GLIPR1L2: variants seen among roughly 807,000 people sequenced by gnomAD.
GLIPR1L2 encodes GLIPR1 like 2.
In GLIPR1L2, 21 loss-of-function variants were observed where a neutral mutation model predicts 28.4. That is an observed-to-expected ratio of 0.74 (90% CI 0.52 to 1.06). The LOEUF (loss-of-function observed/expected upper bound fraction) is 1.06, where lower values mean the gene tolerates loss of function less well. Among genes scored for constraint, GLIPR1L2 ranks in the 50% least tolerant of loss-of-function variants. GLIPR1L2 has a pLI of 0.00. For missense variants in GLIPR1L2, 476 were observed against 416.9 expected, an observed-to-expected ratio of 1.14 and a Z score of -1.23; for synonymous variants, 145 against 139.3, an observed-to-expected ratio of 1.04 and a Z score of -0.29.
chr12:75,405,610 C>G (rs1032889242), intron 1 of GLIPR1L2, among the ~76,000 whole-genome samples: 1 of 150,834 alleles, frequency 6.6e-6, no homozygotes, highest in African/African-American at 2.4e-5. Context: ...CATGACTGCC[C>G]TCAGCATTCT....
In GLIPR1L2 at chr12:75,391,352, T is replaced by G. The variant is rs761009817; in HGVS notation, c.234+2T>G. 1.2e-6 allele frequency: 2 copies of G among 1,613,470 alleles called. No individual in the cohort carries two copies. The highest frequency in any genetic ancestry group is 2.2e-5 in the South Asian group (2 of 91,066). On this transcript the variant is annotated splice_donor_variant, in intron 1 of 5. Coordinates refer to ENST00000550916, the MANE Select transcript of GLIPR1L2 (RefSeq NM_001270396.2). LOFTEE classifies it high-confidence loss of function. ...CGAGGGTCTAACTTGCGCTTCATGG[T>G]GAGGCCGGAAGGCGGTTTGCCGACC...
At chr12:75,418,986 G>A (rs890795858) in intron 3 of GLIPR1L2, among the ~76,000 whole-genome samples, 1 of 152,022 alleles carries the variant, frequency 6.6e-6, no homozygotes, top group African/African-American at 2.4e-5. Context: ...ACACAGGGAG[G>A]GGAACATCAC....
intron 1 of GLIPR1L2, among the ~76,000 whole-genome samples, chr12:75,408,652 G>A (rs2045828879): frequency 6.6e-6 from 1 of 152,020 alleles, no homozygotes; most frequent in East Asian, 1.9e-4. Flanking sequence ...ATTTATTATA[G>A]GTATCCGTGC....
intron 3 of GLIPR1L2, among the ~76,000 whole-genome samples, chr12:75,415,757 G>A (rs1159575556): frequency 6.6e-6 from 1 of 152,000 alleles, no homozygotes; most frequent in East Asian, 1.9e-4. Flanking sequence ...ATGTTTCTTT[G>A]ACACATGGCC....
At chr12:75,429,038 G>A (rs2046063704) in intron 4 of GLIPR1L2, among the ~76,000 whole-genome samples, 1 of 152,184 alleles carries the variant, frequency 6.6e-6, no homozygotes, top group African/African-American at 2.4e-5. Flanking sequence ...ATGTGGAGTG[G>A]GGGCCACCAC....
At chr12:75,420,212 T>C (rs2045963095) in intron 3 of GLIPR1L2, among the ~76,000 whole-genome samples, 1 of 152,206 alleles carries the variant, frequency 6.6e-6, no homozygotes, top group Admixed American at 6.5e-5. Context: ...ATGGAGAACT[T>C]TGAAGAATCT....
At position 75,391,141 on chromosome 12, in the gene GLIPR1L2, C is replaced by T. The variant is rs762277575; in HGVS notation, c.25C>T (p.Arg9Trp). Residue 9 changes from arginine (R) to tryptophan (W), a missense_variant, in exon 1 of 6, where the codon CGG becomes TGG. Coordinates refer to ENST00000550916, the MANE Select transcript of GLIPR1L2 (RefSeq NM_001270396.2). ...CATGGAGGCCGCAAGGCCCTTCGCC[C>T]GGGAGTGGAGGGCCCAGTCCCTACC... MEAARPFA[R>W]EWRAQSLPLA... is the part of the protein sequence containing the mutation. 1 of 1,613,868 alleles carries T rather than the reference C, an allele frequency of 6.2e-7. No homozygotes were observed. The highest frequency in any genetic ancestry group is 8.5e-7 in the Non-Finnish European group (1 of 1,179,916).
Position 75,431,898 on chromosome 12 carries a change from A to C in GLIPR1L2, c.*737A>C, listed in dbSNP as rs1326199527. On this transcript the variant is annotated 3_prime_UTR_variant, in exon 6 of 6. Transcript: ENST00000550916. ...TTTAAAAACTATTAACTTGTTATTC[A>C]ATAGGTATAGTAAAAGTTAACAGAT... 13 of 152,110 alleles carry C rather than the reference A, an allele frequency of 8.5e-5. No homozygotes were observed. The highest frequency in any genetic ancestry group is 2.9e-5 in the Non-Finnish European group (2 of 67,962). 9.4% of individuals were successfully genotyped at this position (152,110 alleles called of 1,614,324 possible).
intron 1 of GLIPR1L2, among the ~76,000 whole-genome samples, chr12:75,405,764 A>G (rs2045791781): frequency 6.6e-6 from 1 of 152,156 alleles, no homozygotes; most frequent in Admixed American, 6.6e-5. Flanking sequence ...CAACAAATAT[A>G]GAAATATGGA....
chr12:75,406,262 G>A (rs2139934498), intron 1 of GLIPR1L2, among the ~76,000 whole-genome samples: 1 of 152,042 alleles, frequency 6.6e-6, no homozygotes, highest in East Asian at 1.9e-4. Context: ...TTAGTCAACT[G>A]TTCAAAACTT....
At chr12:75,422,419 C>T (rs2045986535) in intron 3 of GLIPR1L2, among the ~76,000 whole-genome samples, 1 of 151,832 alleles carries the variant, frequency 6.6e-6, no homozygotes, top group Admixed American at 6.6e-5. Flanking sequence ...TCTCCTGCCT[C>T]AGCCTCCCGA....
chr12:75,413,145 T>G (rs1195092942), intron 2 of GLIPR1L2, among the ~76,000 whole-genome samples: 2 of 133,100 alleles, frequency 1.5e-5, no homozygotes, highest in East Asian at 2.1e-4. Flanking sequence ...AATTGAACAA[T>G]AAGAACACAT....
At chr12:75,413,045 G>A (rs2139947083) in intron 2 of GLIPR1L2, among the ~76,000 whole-genome samples, 1 of 151,902 alleles carries the variant, frequency 6.6e-6, no homozygotes, top group Non-Finnish European at 1.5e-5. Context: ...GTCCTTTGTA[G>A]GGACATGGAT....
chr12:75,408,493 C>T (rs2045826809), intron 1 of GLIPR1L2, among the ~76,000 whole-genome samples: 1 of 151,900 alleles, frequency 6.6e-6, no homozygotes, highest in Non-Finnish European at 1.5e-5. Flanking sequence ...TGAGATAATA[C>T]ATAAAATACA....
chr12:75,394,346 C>T (rs536659196), intron 1 of GLIPR1L2, among the ~76,000 whole-genome samples: 3 of 152,122 alleles, frequency 2.0e-5, no homozygotes, highest in African/African-American at 7.2e-5. Flanking sequence ...AATTCAATAT[C>T]ATGAAGCTTT....
intron 1 of GLIPR1L2, chr12:75,391,633 T>A: frequency 1.2e-6 from 1 of 842,228 alleles, no homozygotes; most frequent in Non-Finnish European, 1.8e-6. Flanking sequence ...AATGATATTT[T>A]AATGCAACGG....
chr12:75,401,014 T>C (rs1192352503), intron 1 of GLIPR1L2, among the ~76,000 whole-genome samples: 1 of 152,014 alleles, frequency 6.6e-6, no homozygotes, highest in Non-Finnish European at 1.5e-5. Context: ...TCATAAAGAT[T>C]ATCATAATGA....
At chr12:75,423,175 C>G in intron 4 of GLIPR1L2, 186 bp downstream of exon 4, 2 of 1,455,012 alleles carry the variant, frequency 1.4e-6, no homozygotes, top group Non-Finnish European at 1.8e-6. Flanking sequence ...AGAGCTTTTT[C>G]TGTTCTATCT....
At chr12:75,411,177 C>T (rs1450475327) in intron 2 of GLIPR1L2, among the ~76,000 whole-genome samples, 4 of 151,750 alleles carry the variant, frequency 2.6e-5, no homozygotes, top group East Asian at 3.9e-4. Flanking sequence ...AAGTACATAA[C>T]CTTTGTTATT....
Sources: allele counts gnomAD v4.1 joint callset (sites outside exome capture counted in the v4.1 genomes callset), GRCh38; gene constraint gnomAD v4.1.1; transcripts MANE v1.5; gene names NCBI Gene and HGNC (gene_info 2026-07-23, HGNC 2026-07-21).